Variants in MAPRE2 observed in about 807,000 individuals in gnomAD.
MAPRE2 encodes the protein microtubule associated protein RP/EB family member 2.
Under a neutral mutation model 43.2 loss-of-function variants are expected in MAPRE2, and 13 were observed. The ratio of observed to expected loss-of-function variants is 0.30; its 90% confidence interval spans 0.20 to 0.48. The LOEUF is 0.48. Ranked by LOEUF, MAPRE2 falls within the 20% of genes least tolerant of loss-of-function variation. The pLI is 0.99. For missense variants in MAPRE2, 161 were observed against 400.2 expected, an observed-to-expected ratio of 0.40 and a Z score of 5.10; for synonymous variants, 135 against 148.8, an observed-to-expected ratio of 0.91 and a Z score of 0.68.
intron 6 of MAPRE2, among the ~76,000 whole-genome samples, chr18:35,139,043 G>C (rs554843119): frequency 1.0e-3 from 159 of 152,166 alleles, no homozygotes; most frequent in African/African-American, 3.6e-3. Context: ...CCAGTGGGTG[G>C]GGCCAAAAGG....
At chr18:34,989,967 T>C (rs1240272134) in intron 1 of MAPRE2, among the ~76,000 whole-genome samples, 2 of 152,182 alleles carry the variant, frequency 1.3e-5, no homozygotes, top group African/African-American at 4.8e-5. Flanking sequence ...CCATATTTGG[T>C]TTGCTTTTCA....
intron 1 of MAPRE2, among the ~76,000 whole-genome samples, chr18:35,063,255 C>T (rs758484108): frequency 3.9e-5 from 6 of 152,084 alleles, no homozygotes; most frequent in Non-Finnish European, 4.4e-5. Flanking sequence ...AGGCGCACAC[C>T]ACCACGCCTG....
chr18:35,017,622 A>C (rs2097039286), intron 2 of MAPRE2, among the ~76,000 whole-genome samples: 1 of 151,404 alleles, frequency 6.6e-6, no homozygotes, highest in Non-Finnish European at 1.5e-5. Context: ...TTTGAGTCTC[A>C]GCTTGAACAT....
intron 1 of MAPRE2, among the ~76,000 whole-genome samples, chr18:34,993,761 T>A (rs1057241817): frequency 7.9e-5 from 12 of 152,202 alleles, no homozygotes; most frequent in African/African-American, 2.9e-4. Flanking sequence ...TCACTCCTGA[T>A]GGGAACAAAT....
chr18:35,095,652 G>A (rs1467849712), intron 2 of MAPRE2, among the ~76,000 whole-genome samples: 2 of 151,396 alleles, frequency 1.3e-5, no homozygotes, highest in African/African-American at 4.9e-5. Flanking sequence ...CTCTACAAAA[G>A]CGAAAATAAC....
At chr18:35,031,079 C>T (rs138331096) in intron 2 of MAPRE2, among the ~76,000 whole-genome samples, 4 of 152,336 alleles carry the variant, frequency 2.6e-5, no homozygotes, top group African/African-American at 9.6e-5. Flanking sequence ...GTCCTCCTTC[C>T]TTGCTTTAGT....
intron 1 of MAPRE2, among the ~76,000 whole-genome samples, chr18:35,067,758 T>C (rs1906906847): frequency 6.6e-6 from 1 of 152,186 alleles, no homozygotes; most frequent in Non-Finnish European, 1.5e-5. Context: ...CAGTATATGA[T>C]CATTTCATCA....
intron 5 of MAPRE2, 46 bp from the exon 6 acceptor site, chr18:35,131,986 A>G: frequency 6.3e-7 from 1 of 1,591,768 alleles, no homozygotes; most frequent in Non-Finnish European, 8.6e-7. Context: ...CATGTCTTAT[A>G]CTATATTTTG....
intron 6 of MAPRE2, among the ~76,000 whole-genome samples, chr18:35,137,998 G>A (rs1910464943): frequency 6.6e-6 from 1 of 152,196 alleles, no homozygotes; most frequent in African/African-American, 2.4e-5. Flanking sequence ...GGCTTAGGAA[G>A]GCCAGTAACT....
chr18:35,005,665 A>G, intron 2 of MAPRE2: 1 of 559,474 alleles, frequency 1.8e-6, no homozygotes. Flanking sequence ...GTACACAATT[A>G]AAGCCGATAT....
intron 1 of MAPRE2, among the ~76,000 whole-genome samples, chr18:34,985,325 TAATATAATATA>T: frequency 2.6e-5 from 1 of 38,274 alleles, no homozygotes; most frequent in Non-Finnish European, 4.4e-5. Flanking sequence ...ATTATATATA[TAATATAATATA>T]TAATATATTA....
intron 1 of MAPRE2, among the ~76,000 whole-genome samples, chr18:35,061,733 T>C (rs1439065901): frequency 6.6e-6 from 1 of 152,228 alleles, no homozygotes; most frequent in African/African-American, 2.4e-5. Flanking sequence ...ATAGTTCCTG[T>C]AATCTCTCTC....
chr18:35,125,613 C>T (rs1270232339), intron 4 of MAPRE2, among the ~76,000 whole-genome samples: 2 of 152,238 alleles, frequency 1.3e-5, no homozygotes, highest in African/African-American at 2.4e-5. Flanking sequence ...AGAGATGCCA[C>T]TTCACAGGGA....
At chr18:35,072,209 A>G (rs1460009315) in intron 2 of MAPRE2, among the ~76,000 whole-genome samples, 2 of 152,254 alleles carry the variant, frequency 1.3e-5, no homozygotes, top group African/African-American at 2.4e-5. Flanking sequence ...GTTATTAGCA[A>G]TCACTTTGTT....
upstream of MAPRE2, among the ~76,000 whole-genome samples, chr18:35,039,324 T>G (rs138367454): frequency 6.6e-6 from 1 of 152,374 alleles, no homozygotes; most frequent in East Asian, 1.9e-4. Flanking sequence ...AGAGGAAGCA[T>G]GGGTCTTTGC....
At chr18:35,013,431 A>C (rs1315906971) in intron 2 of MAPRE2, among the ~76,000 whole-genome samples, 2 of 152,224 alleles carry the variant, frequency 1.3e-5, no homozygotes, top group Admixed American at 1.3e-4. Context: ...CATGGGGTAC[A>C]TAGTGATGTT....
intron 2 of MAPRE2, among the ~76,000 whole-genome samples, chr18:35,018,091 G>C (rs2097039580): frequency 6.6e-6 from 1 of 151,910 alleles, no homozygotes; most frequent in Non-Finnish European, 1.5e-5. Context: ...TTTTAATTCT[G>C]TTTATGTGGT....
intron 4 of MAPRE2, among the ~76,000 whole-genome samples, chr18:35,116,555 T>C (rs1258196654): frequency 6.6e-6 from 1 of 152,126 alleles, no homozygotes; most frequent in African/African-American, 2.4e-5. Flanking sequence ...CCCCCTCAAG[T>C]TGTTGACTTG....
At chr18:35,029,436 T>A (rs1263410953) in intron 2 of MAPRE2, among the ~76,000 whole-genome samples, 1 of 152,166 alleles carries the variant, frequency 6.6e-6, no homozygotes, top group Non-Finnish European at 1.5e-5. Context: ...TGGTTGCCAC[T>A]TGATGGCCTG....
Sources: gnomAD v4.1 joint callset for allele counts (sites outside exome capture counted in the v4.1 genomes callset) on GRCh38, gnomAD v4.1.1 for gene constraint, MANE v1.5 for transcripts, NCBI Gene and HGNC (gene_info 2026-07-23, HGNC 2026-07-21) for gene names.